Variants in CLCN5 observed in about 807,000 individuals in gnomAD.
CLCN5 encodes the protein Cl-/H+ antiporter 5.
In CLCN5, 17 loss-of-function variants were observed where a neutral mutation model predicts 54.0. The ratio of observed to expected loss-of-function variants is 0.31; its 90% confidence interval spans 0.22 to 0.47. CLCN5 has a LOEUF of 0.47. Ranked by LOEUF, CLCN5 falls within the 20% of genes least tolerant of loss-of-function variation. The probability of loss-of-function intolerance (pLI) is 1.00; values close to 1 mark genes in which losing one functional copy is unlikely to be tolerated. For synonymous variants in CLCN5, 222 were observed against 233.0 expected (o/e 0.95, Z 0.43); for missense variants, 448 against 646.7 (o/e 0.69, Z 3.33).
At chrX:50,074,664 G>A (rs924446241) in intron 6 of CLCN5, among the ~76,000 whole-genome samples, 1 of 112,110 alleles carries the variant, frequency 8.9e-6, no homozygotes, top group Admixed American at 9.4e-5. Context: ...ATGGCTTCCC[G>A]CCCGTTGGAA....
Position 50,088,863 on chromosome X carries a change from G to A in CLCN5, c.1723G>A (p.Val575Ile). ...CATCACCCCCGGCCTTTATGCAATGGTTGGGGCTGCAGCCTGCTTAGGTGA... is the reference window on the plus strand; with the variant it reads ...CATCACCCCCGGCCTTTATGCAATGATTGGGGCTGCAGCCTGCTTAGGTGA... The part of the protein sequence containing the change: ...DCITPGLYAM[V>I]GAAACLGGVT... Residue 575 changes from valine (V) to isoleucine (I), a missense_variant, in exon 12 of 15, where the codon GTT (valine) becomes ATT (isoleucine). Transcript: ENST00000376091. 3 of 1,211,290 alleles carry A rather than the reference G, an allele frequency of 2.5e-6. No individual in the cohort carries two copies. The highest frequency in any genetic ancestry group is 3.4e-6 in the Non-Finnish European group (3 of 895,215).
Position 50,090,487 on chromosome X carries a change from C to T in CLCN5, c.2116C>T (p.Leu706Phe), listed in dbSNP as rs1569540502. The T allele has an allele frequency of 8.3e-7, 1 of 1,207,458 alleles. No homozygotes were observed. Among genetic ancestry groups the T allele is most frequent in the South Asian group, 1.8e-5 (1 of 56,270 alleles). The change falls in exon 13 of 15, where the codon CTC becomes TTC. Residue 706 changes from leucine (L) to phenylalanine (F), a missense_variant. This residue lies in a region of CLCN5 where 297 missense variants were observed against 470.4 expected (regional missense o/e 0.63). Transcript: ENST00000376091. ...RESQRLVGFV[L>F]RRDLIISIEN... ...GTCCCAAAGACTTGTGGGCTTTGTC[C>T]TCCGAAGAGATCTCATTATTTCAAT...
In CLCN5 at chrX:50,018,846, G is replaced by A. The variant is rs113465504; in HGVS notation, c.17-23470G>A. ...CATATAATTCTTTTTATATATTCTCGTGCTCAATTTGCTAATATGTTCAGG... is the reference window on the plus strand; with the variant it reads ...CATATAATTCTTTTTATATATTCTCATGCTCAATTTGCTAATATGTTCAGG... On this transcript the variant is annotated intron_variant, in intron 3 of 14. Transcript: ENST00000376091. Among the ~76,000 whole-genome samples, 766 of 111,463 alleles carry A rather than the reference G, an allele frequency of 6.9e-3. 6 individuals are homozygous for A. The highest frequency in any genetic ancestry group is 0.023 in the African/African-American group (718 of 30,700).
intron 4 of CLCN5, among the ~76,000 whole-genome samples, chrX:50,060,840 TCCCTGAC>T (rs1460675270): frequency 7.3e-5 from 7 of 96,103 alleles, no homozygotes; most frequent in Non-Finnish European, 1.4e-4. Context: ...CTCAAGTGGG[TCCCTGAC>T]CCCTGACCCC....
At chrX:49,999,516 T>G (rs1475517669) in intron 3 of CLCN5, among the ~76,000 whole-genome samples, 1 of 109,749 alleles carries the variant, frequency 9.1e-6, no homozygotes, top group Admixed American at 9.7e-5. Flanking sequence ...TGTACACACA[T>G]GTACACCACG....
chrX:50,004,285 G>A (rs1302998237), intron 3 of CLCN5, among the ~76,000 whole-genome samples: 4 of 112,092 alleles, frequency 3.6e-5, no homozygotes, highest in African/African-American at 1.3e-4. Context: ...CTGCCCTAGT[G>A]AGGGGAGGCA....
At chrX:50,012,032 A>G (rs1231727404) in intron 3 of CLCN5, among the ~76,000 whole-genome samples, 1 of 111,203 alleles carries the variant, frequency 9.0e-6, no homozygotes, top group Non-Finnish European at 1.9e-5. Context: ...CGCTCCTGTC[A>G]TGCACCAGAC....
chrX:50,069,490 A>C, intron 4 of CLCN5: 2 of 762,753 alleles, frequency 2.6e-6, no homozygotes, highest in South Asian at 1.3e-4. Flanking sequence ...TTATAAATGT[A>C]AAATGGTTCT....
intron 3 of CLCN5, among the ~76,000 whole-genome samples, chrX:49,984,545 C>T (rs1928897953): frequency 9.0e-6 from 1 of 110,902 alleles, no homozygotes; most frequent in African/African-American, 3.3e-5. Context: ...GATAATATTG[C>T]TTATTTCTTT....
intron 3 of CLCN5, among the ~76,000 whole-genome samples, chrX:49,937,807 G>C (rs1401922194): frequency 1.8e-5 from 2 of 111,765 alleles, no homozygotes; most frequent in African/African-American, 6.5e-5. Context: ...TGAATGCTAA[G>C]CTACAATTTC....
At chrX:50,043,353 CAACA>C (rs1486143985) in intron 4 of CLCN5, among the ~76,000 whole-genome samples, 7 of 111,865 alleles carry the variant, frequency 6.3e-5, no homozygotes, top group African/African-American at 2.3e-4. Flanking sequence ...AACAATGCTG[CAACA>C]AACAACCTTG....
At chrX:50,007,475 G>C (rs179829) in intron 3 of CLCN5, among the ~76,000 whole-genome samples, 5,031 of 88,082 alleles carry the variant, frequency 0.057, 132 homozygotes, top group Non-Finnish European at 0.074. Context: ...CACACACACA[G>C]AGAGAGTGGA....
chrX:49,997,179 A>G (rs1317122950), intron 3 of CLCN5, among the ~76,000 whole-genome samples: 3 of 111,993 alleles, frequency 2.7e-5, no homozygotes, highest in Non-Finnish European at 5.6e-5. Flanking sequence ...TAGGACTCTT[A>G]CTTGATGTAG....
rs1925273859 is a variant in CLCN5, at chrX:49,925,026, T to C, written c.-128-145T>C. On this transcript the variant is annotated intron_variant, in intron 2 of 14. Coordinates refer to ENST00000376091, the MANE Select transcript of CLCN5 (RefSeq NM_001127898.4). ...CTCCAGATCTCTCTCTCTTCAGAGA[T>C]ACCTTGCTGCTTAGAGGGAAACTTG... is the stretch of plus-strand genomic sequence containing the variant. The C allele has an allele frequency of 1.2e-5, 5 of 407,913 alleles. No homozygotes were observed. In the East Asian group the frequency reaches 2.1e-4, roughly 17 times the overall value. The allele number at this position is 407,913 out of a possible 1,213,427, so 33.6% of individuals were successfully genotyped here. A position where few individuals can be genotyped will look rare whatever the true frequency, so the allele number is the denominator to read the frequency against.
chrX:49,975,997 G>A (rs1928461530), intron 3 of CLCN5, among the ~76,000 whole-genome samples: 1 of 111,687 alleles, frequency 9.0e-6, no homozygotes, highest in Non-Finnish European at 1.9e-5. Context: ...CATCTAGTGG[G>A]TGGAGGCCCA....
At chrX:50,059,224 T>G (rs1932812646) in intron 4 of CLCN5, among the ~76,000 whole-genome samples, 1 of 112,154 alleles carries the variant, frequency 8.9e-6, no homozygotes, top group Admixed American at 9.5e-5. Context: ...CCTAAAATAG[T>G]AGCAATGGCT....
At position 50,070,045 on chromosome X, in the gene CLCN5, G is replaced by A; in HGVS notation, c.315+15G>A. On this transcript the variant is annotated intron_variant, in intron 5 of 14. Coordinates refer to ENST00000376091, the MANE Select transcript of CLCN5 (RefSeq NM_001127898.4). ...GGCACCGAGAGGTAAGACAAAAGAT[G>A]GCACATGGGTAAGTGTTAGGAAATA... The A allele has an allele frequency of 8.4e-7, 1 of 1,193,390 alleles. No homozygotes were observed. The highest frequency in any genetic ancestry group is 1.1e-6 in the Non-Finnish European group (1 of 880,287).
chrX:49,925,326 G>A lies in CLCN5; in HGVS notation c.16+12G>A. On this transcript the variant is annotated intron_variant, in intron 3 of 14. Coordinates refer to ENST00000376091, the MANE Select transcript of CLCN5 (RefSeq NM_001127898.4). ...GGCCATGTGGCAGGGTAAGAAATTA[G>A]CACTTATTCTTCTAACTGGTTTTTC... 8 of 1,205,884 alleles carry A rather than the reference G, an allele frequency of 6.6e-6. No individual in the cohort carries two copies. Among genetic ancestry groups the A allele is most frequent in the Non-Finnish European group, 9.0e-6 (8 of 890,515 alleles).
At position 50,034,160 on chromosome X, in the gene CLCN5, A is replaced by T. The variant is rs782724701; in HGVS notation, c.17-8156A>T. On this transcript the variant is annotated intron_variant, in intron 3 of 14. Coordinates refer to ENST00000376091, the MANE Select transcript of CLCN5 (RefSeq NM_001127898.4). ...TTCCATTTCTCAAAATAAAGTAACT[A>T]AAACTGGAAATGGAGTATAAGCTAG... Among the ~76,000 whole-genome samples the T allele has an allele frequency of 1.1e-4, 12 of 112,151 alleles. No individual in the cohort carries two copies. The East Asian group carries it at 1.1e-3, about 10-fold the overall frequency.
Sources: allele counts gnomAD v4.1 joint callset (sites outside exome capture counted in the v4.1 genomes callset), GRCh38; gene constraint gnomAD v4.1.1; regional missense constraint gnomAD v4.1.1; transcripts MANE v1.5; gene names NCBI Gene and HGNC (gene_info 2026-07-23, HGNC 2026-07-21).